Variants in PCDHGA5 observed in about 807,000 individuals in gnomAD.
PCDHGA5 encodes protocadherin gamma-A5.
In PCDHGA5, 36 loss-of-function variants were observed where a neutral mutation model predicts 56.7. That is an observed-to-expected ratio of 0.64 (90% CI 0.49 to 0.84). The LOEUF (loss-of-function observed/expected upper bound fraction) is 0.84. Ranked by LOEUF, PCDHGA5 falls within the 40% of genes least tolerant of loss-of-function variation. The probability of loss-of-function intolerance (pLI) is 0.00; values close to 1 mark genes in which losing one functional copy is unlikely to be tolerated. For synonymous variants in PCDHGA5, 563 were observed against 520.2 expected (o/e 1.08, Z -1.12); for missense variants, 1,305 against 1,201.5 (o/e 1.09, Z -1.27).
At chr5:141,453,521 T>A (rs1311886024) in intron 1 of PCDHGA5, among the ~76,000 whole-genome samples, 2 of 152,148 alleles carry the variant, frequency 1.3e-5, no homozygotes, top group Non-Finnish European at 2.9e-5. Flanking sequence ...TCCTCCCCTA[T>A]ACCTTCTGCC....
At chr5:141,400,031 G>T in intron 1 of PCDHGA5, 1 of 1,613,082 alleles carries the variant, frequency 6.2e-7, no homozygotes, top group Admixed American at 1.7e-5. Flanking sequence ...GACGCGGCCC[G>T]CCAGCGCCTG....
chr5:141,437,648 A>G (rs1291089695), intron 1 of PCDHGA5, among the ~76,000 whole-genome samples: 2 of 152,204 alleles, frequency 1.3e-5, no homozygotes, highest in African/African-American at 4.8e-5. Context: ...AGAAAAGCAA[A>G]CACATAGTTT....
At chr5:141,433,607 G>T (rs1209706866) in intron 1 of PCDHGA5, among the ~76,000 whole-genome samples, 1 of 152,080 alleles carries the variant, frequency 6.6e-6, no homozygotes. Flanking sequence ...AGGCCGAGGC[G>T]GGTGGATCAC....
At chr5:141,400,904 T>C (rs958521699) in intron 1 of PCDHGA5, among the ~76,000 whole-genome samples, 14 of 152,250 alleles carry the variant, frequency 9.2e-5, no homozygotes, top group African/African-American at 3.4e-4. Context: ...TAATTCATCT[T>C]TTAAAGCAAA....
At position 141,477,177 on chromosome 5, in the gene PCDHGA5, T is replaced by C; in HGVS notation, c.2422-17630T>C. The C allele has an allele frequency of 6.2e-7, 1 of 1,614,160 alleles. No individual in the cohort carries two copies. On this transcript the variant is annotated intron_variant, in intron 1 of 3. Coordinates refer to ENST00000518069, the MANE Select transcript of PCDHGA5 (RefSeq NM_018918.3). This position sits in a 1 kb window ranked among gnomAD's most constrained non-coding sequence, Gnocchi z 4.9. Reference sequence around the variant, plus strand: ...AATGACAACGCCCCGGAGATCACAGTCACCTCCGTGTACAGCCCAGTACCC... The same window carrying C: ...AATGACAACGCCCCGGAGATCACAGCCACCTCCGTGTACAGCCCAGTACCC...
intron 1 of PCDHGA5, chr5:141,419,785 G>A (rs1268841728): frequency 1.2e-6 from 2 of 1,613,934 alleles, no homozygotes; most frequent in Non-Finnish European, 1.7e-6. Flanking sequence ...GCCAGCGCCT[G>A]CTAGTCGCTG....
chr5:141,371,751 C>T (rs1768003581), intron 1 of PCDHGA5: 1 of 1,613,918 alleles, frequency 6.2e-7, no homozygotes. Flanking sequence ...TCCCGTTTTC[C>T]ACCAGGCCTC....
rs2099419063 is a variant in PCDHGA5 at position 141,477,824 on chromosome 5, C to G, written c.2422-16983C>G. On this transcript the variant is annotated intron_variant, in intron 1 of 3. Coordinates refer to ENST00000518069, the MANE Select transcript of PCDHGA5 (RefSeq NM_018918.3). This position sits in a 1 kb window ranked among gnomAD's most constrained non-coding sequence, Gnocchi z 4.9. ...TGACAATGCCCCCCAGGTCCTATAT[C>G]CTCGGCCAGGTGGGAGCTCGGTGGA... is the stretch of plus-strand genomic sequence containing the variant. 5.6e-6 allele frequency: 9 copies of G among 1,614,196 alleles called. No individual in the cohort carries two copies. The highest frequency in any genetic ancestry group is 5.9e-6 in the Non-Finnish European group (7 of 1,180,034).
At chr5:141,388,295 C>T (rs766909730) in intron 1 of PCDHGA5, 3 of 1,613,442 alleles carry the variant, frequency 1.9e-6, no homozygotes, top group East Asian at 2.2e-5. Flanking sequence ...CGCAAAATTC[C>T]TTTGAGCTGC....
At chr5:141,473,369 G>A (rs888984972) in intron 1 of PCDHGA5, among the ~76,000 whole-genome samples, 1 of 152,200 alleles carries the variant, frequency 6.6e-6, no homozygotes, top group African/African-American at 2.4e-5. Context: ...CACCAAAATA[G>A]CATGGTCCCT....
At chr5:141,421,148 G>A (rs1334539595) in intron 1 of PCDHGA5, 2 of 1,056,062 alleles carry the variant, frequency 1.9e-6, no homozygotes, top group African/African-American at 1.6e-5. Context: ...GATGTAGTCG[G>A]CCTAGGACTT....
intron 1 of PCDHGA5, chr5:141,384,147 T>A: frequency 6.2e-7 from 1 of 1,613,270 alleles, no homozygotes; most frequent in Non-Finnish European, 8.5e-7. Flanking sequence ...AAACACTCTC[T>A]TTGTATAACA....
chr5:141,474,325 C>A (rs540113771), intron 1 of PCDHGA5, among the ~76,000 whole-genome samples: 1 of 152,256 alleles, frequency 6.6e-6, no homozygotes, highest in Admixed American at 6.5e-5. Context: ...TTTCAAATCA[C>A]CCTGATGTTT....
At chr5:141,436,471 A>G (rs1249793994) in intron 1 of PCDHGA5, among the ~76,000 whole-genome samples, 1 of 152,204 alleles carries the variant, frequency 6.6e-6, no homozygotes, top group Non-Finnish European at 1.5e-5. Flanking sequence ...TTTCAGATGT[A>G]TCATAGAAGG....
Position 141,489,375 on chromosome 5 carries a change from G to C in PCDHGA5, c.2422-5432G>C. On this transcript the variant is annotated intron_variant, in intron 1 of 3. Coordinates refer to ENST00000518069, the MANE Select transcript of PCDHGA5 (RefSeq NM_018918.3). The surrounding 1 kb of genome is among the most constrained non-coding windows in gnomAD (Gnocchi z 4.5). ...AGGAGTCTGAGCCGGGGACGCTGGT[G>C]GGGAATGTTGCTCAGGATCTGGGCT... 1 of 1,613,826 alleles carries C rather than the reference G, an allele frequency of 6.2e-7. No homozygotes were observed.
chr5:141,406,307 T>C (rs2094791462), intron 1 of PCDHGA5, among the ~76,000 whole-genome samples: 1 of 152,088 alleles, frequency 6.6e-6, no homozygotes, highest in African/African-American at 2.4e-5. Flanking sequence ...GTGAACCACC[T>C]CACCCAGCAA....
Position 141,372,058 on chromosome 5 carries a change from G to T in PCDHGA5, c.2421+5307G>T, listed in dbSNP as rs769464516. ...AGCCTGCGCGTGTTGGTGGACGACC[G>T]CAACGACAATGCACCGCTGGTGCTG... On this transcript the variant is annotated intron_variant, in intron 1 of 3. Transcript: ENST00000518069. The T allele has an allele frequency of 8.1e-6, 13 of 1,613,556 alleles. No individual in the cohort carries two copies. In the East Asian group the frequency reaches 2.9e-4, roughly 36 times the overall value.
intron 1 of PCDHGA5, among the ~76,000 whole-genome samples, chr5:141,482,442 C>T (rs942933015): frequency 1.4e-5 from 2 of 147,678 alleles, no homozygotes; most frequent in Non-Finnish European, 3.0e-5. Flanking sequence ...CTGATATTCA[C>T]CATTTATTAG....
In PCDHGA5 at chr5:141,510,950, C is replaced by T. The variant is rs770587030; in HGVS notation, c.2573C>T (p.Ala858Val). 1.2e-6 allele frequency: 2 copies of T among 1,614,126 alleles called. No homozygotes were observed. The highest frequency in any genetic ancestry group is 2.2e-5 in the South Asian group (2 of 91,078). ...QAMILASASE[A>V]ADGSSTLGGG... Reference sequence around the variant, plus strand: ...TGATCTTCCTCTGTCTCTGCAGAAGCTGCTGATGGGAGCTCCACCCTGGGA... The same window carrying T: ...TGATCTTCCTCTGTCTCTGCAGAAGTTGCTGATGGGAGCTCCACCCTGGGA... The change falls in exon 4 of 4, where the codon GCT (alanine) becomes GTT (valine). Residue 858 changes from alanine (A) to valine (V), a missense_variant. Physicochemically the swap from Ala to Val is moderately conservative, Grantham distance 64. Transcript: ENST00000518069.
Sources: allele counts gnomAD v4.1 joint callset (sites outside exome capture counted in the v4.1 genomes callset), GRCh38; gene constraint gnomAD v4.1.1; non-coding constraint Gnocchi (gnomAD v3.1); transcripts MANE v1.5; gene names NCBI Gene and HGNC (gene_info 2026-07-23, HGNC 2026-07-21).